FN1: variants seen among roughly 807,000 people sequenced by gnomAD.
FN1 encodes the protein fibronectin.
Under a neutral mutation model 297.3 loss-of-function variants are expected in FN1, and 106 were observed. That is an observed-to-expected ratio of 0.36 (90% confidence interval 0.30 to 0.42). The LOEUF (loss-of-function observed/expected upper bound fraction) is 0.42, where lower values mean the gene tolerates loss of function less well. Ranked by LOEUF, FN1 falls within the 10% of genes least tolerant of loss-of-function variation. FN1 has a pLI of 1.00. For missense variants in FN1, 2,690 were observed against 3,124.9 expected (o/e 0.86, Z 3.32); for synonymous variants, 1,149 against 1,152.6 (o/e 1.00, Z 0.06).
At position 215,423,425 on chromosome 2, in the gene FN1, T is replaced by A; in HGVS notation, c.1318A>T (p.Arg440Ter). The A allele has an allele frequency of 6.2e-7, 1 of 1,614,236 alleles. No homozygotes were observed. The highest frequency in any genetic ancestry group is 1.1e-5 in the South Asian group (1 of 91,082). The change falls in exon 9 of 46, where the codon AGA becomes TGA. Residue 440 changes from arginine (R) to a stop codon, truncating the protein, a stop_gained. Coordinates refer to ENST00000354785, the MANE Select transcript of FN1 (RefSeq NM_212482.4). LOFTEE classifies it high-confidence loss of function. ...GTCCCACACCACTTCATGTTGTCTC[T>A]TCTGCCCTCAGAAGTGCAATCAGTG... ...NYTDCTSEGR[R>*]DNMKWCGTTQ...
At chr2:215,364,704 A>G (rs2054189096) in intron 44 of FN1, 175 bp downstream of exon 44, 12 of 640,146 alleles carry the variant, frequency 1.9e-5, no homozygotes, top group Non-Finnish European at 2.3e-5. Flanking sequence ...ATGGCATGTA[A>G]GGTAGACATA....
At chr2:215,400,865 A>T (rs1186908910) in intron 20 of FN1, among the ~76,000 whole-genome samples, 1 of 149,996 alleles carries the variant, frequency 6.7e-6, no homozygotes, top group African/African-American at 2.5e-5. Flanking sequence ...GCGCAATCTC[A>T]TCTCACTGTA....
At chr2:215,428,157 C>G (rs200256359) in intron 6 of FN1, 23 bp downstream of exon 6, 1 of 1,613,432 alleles carries the variant, frequency 6.2e-7, no homozygotes, top group East Asian at 2.2e-5. Flanking sequence ...CCATTTCCCG[C>G]CCCTGCTCGT....
In FN1 at chr2:215,368,976, T is replaced by C. The variant is rs112618238; in HGVS notation, c.6854-949A>G. On this transcript the variant is annotated intron_variant, in intron 41 of 45. Transcript: ENST00000354785. ...CTCAAAAGCTCAAAAGCAGTAGATA[T>C]TTGAGGTGCCTAATTTTTAAAAGGT... is the stretch of plus-strand genomic sequence containing the variant. 5.2e-3 allele frequency among the ~76,000 whole-genome samples: 790 copies of C among 152,268 alleles called. 6 individuals carry two copies. The highest frequency in any genetic ancestry group is 0.018 in the African/African-American group (753 of 41,570).
intron 8 of FN1, among the ~76,000 whole-genome samples, chr2:215,423,935 G>C (rs1254804162): frequency 6.6e-6 from 1 of 152,114 alleles, no homozygotes; most frequent in African/African-American, 2.4e-5. Flanking sequence ...GAACTGGAAG[G>C]CTACTCCCTT....
In FN1 at chr2:215,408,299, T is replaced by C. The variant is rs2062077130; in HGVS notation, c.2427A>G (p.Thr809=). ...QSLILSTSQT[T]APDAPPDTTV... The stretch of plus-strand genomic sequence containing the variant: ...TAACACTATGTAGCACACATGTACC[T>C]GTTGTTTGTGAAGTAGACAGGATCA... The change falls in exon 16 of 46, where the codon ACA becomes ACG. Residue 809 remains threonine (T), a splice_region_variant and synonymous_variant. Transcript: ENST00000354785. 1.9e-6 allele frequency: 3 copies of C among 1,614,028 alleles called. No individual in the cohort carries two copies.
intron 19 of FN1, 35 bp downstream of exon 19, chr2:215,406,203 A>C (rs542614745): frequency 5.0e-6 from 8 of 1,609,656 alleles, no homozygotes; most frequent in African/African-American, 2.7e-5. Context: ...AGGGTGGAGA[A>C]TTTGGAGGGG....
rs775398685 is a variant in FN1, at chr2:215,373,345, G to A, written c.6224C>T (p.Pro2075Leu). The change falls in exon 39 of 46, where the codon CCC (proline) becomes CTC (leucine). Residue 2075 changes from proline to leucine, a missense_variant. Around this residue, in one of 3 missense-constraint regions of FN1, gnomAD observed 1,743 missense variants for 1,945.2 expected, o/e 0.90. Coordinates refer to ENST00000354785, the MANE Select transcript of FN1 (RefSeq NM_212482.4). ...IALKNNQKSE[P>L]LIGRKKTDEL... ...ACCTGTCTTTTTCCTTCCAATCAGG[G>A]GCTCGCTCTTCTGATTATTCTTCAG... The A allele has an allele frequency of 1.2e-6, 2 of 1,613,416 alleles. No individual in the cohort carries two copies. Among genetic ancestry groups the A allele is most frequent in the South Asian group, 1.1e-5 (1 of 91,068 alleles).
chr2:215,376,061 A>G (rs904948480), intron 36 of FN1, among the ~76,000 whole-genome samples: 3 of 152,202 alleles, frequency 2.0e-5, no homozygotes, highest in Non-Finnish European at 4.4e-5. Flanking sequence ...GAGCCTTGGA[A>G]TCACAATTTT....
Position 215,370,431 on chromosome 2 carries a change from A to T in FN1, c.6716T>A (p.Phe2239Tyr), listed in dbSNP as rs1316874484. 6.2e-7 allele frequency: 1 copy of T among 1,613,710 alleles called. No homozygotes were observed. The highest frequency in any genetic ancestry group is 8.5e-7 in the Non-Finnish European group (1 of 1,179,868). ...ACTGGTAGAAGTTCCAGGAACCCTG[A>T]ACTGCAATTATCGGTACATCCAAAG... is the stretch of plus-strand genomic sequence containing the variant. ...PVGTDEEPLQ[F>Y]RVPGTSTSAT... is the part of the protein sequence containing the mutation. The change falls in exon 41 of 46, where the codon TTC (phenylalanine) becomes TAC (tyrosine). Residue 2239 changes from phenylalanine to tyrosine, a missense_variant and splice_region_variant. Phe to Tyr is a conservative substitution (Grantham distance 22). Coordinates refer to ENST00000354785, the MANE Select transcript of FN1 (RefSeq NM_212482.4).
At chr2:215,365,326 AATC>A (rs2054312888) in intron 43 of FN1, among the ~76,000 whole-genome samples, 176 bp downstream of exon 43, 1 of 152,224 alleles carries the variant, frequency 6.6e-6, no homozygotes, top group Admixed American at 6.5e-5. Flanking sequence ...AATAACATTA[AATC>A]ATGACTCATT....
chr2:215,391,631 CTTG>C lies in FN1; in HGVS notation c.4250_4252del (p.Thr1417del). ...TGGAACAGATACATTCAACTGCTTACTTGTTAAGACCACTGCATTGTCTGAAGG... is the reference window on the plus strand; with the variant it reads ...TGGAACAGATACATTCAACTGCTTACTTAAGACCACTGCATTGTCTGAAGG... On this transcript the variant is annotated inframe_deletion and splice_region_variant, in exon 26 of 46. Transcript: ENST00000354785. 1 of 1,612,086 alleles carries C rather than the reference CTTG, an allele frequency of 6.2e-7. No individual in the cohort carries two copies. Among genetic ancestry groups the C allele is most frequent in the African/African-American group, 1.3e-5 (1 of 75,004 alleles).
Position 215,423,349 on chromosome 2 carries a change from C to A in FN1, c.1393+1G>T, listed in dbSNP as rs761461000. On this transcript the variant is annotated splice_donor_variant, in intron 9 of 45. Transcript: ENST00000354785. LOFTEE classifies it high-confidence loss of function. ...GACAACCCACAAGGGCTTCATCTTA[C>A]CAGCCATGGGGCAGAACCCAAACTT... The A allele has an allele frequency of 2.5e-6, 4 of 1,613,720 alleles. No individual in the cohort carries two copies. The South Asian group carries it at 4.4e-5, about 18-fold the overall frequency.
At position 215,369,233 on chromosome 2, in the gene FN1, AT is replaced by A. The variant is rs1329533362; in HGVS notation, c.6853+1060del. 7.1e-4 allele frequency among the ~76,000 whole-genome samples: 107 copies of A among 149,654 alleles called. 1 individual carries two copies. Among genetic ancestry groups the A allele is most frequent in the African/African-American group, 2.4e-3 (95 of 39,998 alleles). Reference sequence around the variant, plus strand: ...GAATCTTTAAAAAAAAAAAAAAAAAATGACTTAGAAAAGCACAAAGACCTTT... The same window carrying A: ...GAATCTTTAAAAAAAAAAAAAAAAAAGACTTAGAAAAGCACAAAGACCTTT... On this transcript the variant is annotated intron_variant, in intron 41 of 45. Transcript: ENST00000354785.
At position 215,384,394 on chromosome 2, in the gene FN1, C is replaced by T. The variant is rs75933553; in HGVS notation, c.4730-210G>A. The T allele has an allele frequency of 0.024, 13,720 of 577,506 alleles. 256 individuals are homozygous for T. Among genetic ancestry groups the T allele is most frequent in the Admixed American group, 0.036 (1,210 of 34,036 alleles). The allele number at this position is 577,506 out of a possible 1,614,324, so 35.8% of individuals were successfully genotyped here. ...AACATTGAGAGAAAATTACAGTTAG[C>T]GCTGTTTTAACATTTCAGCTTTAAA... is the stretch of plus-strand genomic sequence containing the variant. On this transcript the variant is annotated intron_variant, in intron 29 of 45. Transcript: ENST00000354785.
intron 2 of FN1, among the ~76,000 whole-genome samples, chr2:215,434,361 G>A (rs1214282473): frequency 6.6e-6 from 1 of 152,116 alleles, no homozygotes. Context: ...TAAACTAACA[G>A]TTTAAGATTT....
chr2:215,425,324 G>C (rs555989619), intron 6 of FN1, 39 bp from the exon 7 acceptor site: 28 of 1,590,686 alleles, frequency 1.8e-5, no homozygotes, highest in South Asian at 1.3e-4. Context: ...AACTGGGTGA[G>C]AGAAGACAAT....
chr2:215,433,227 G>A (rs942413811), intron 3 of FN1, 97 bp downstream of exon 3: 25 of 1,500,232 alleles, frequency 1.7e-5, no homozygotes, highest in South Asian at 6.8e-5. Context: ...CTCAAAGTTC[G>A]GAATATCCAG....
rs762470929 is a variant in FN1, at chr2:215,419,392, T to C, written c.1676-7A>G. The C allele has an allele frequency of 2.5e-6, 4 of 1,611,138 alleles. No homozygotes were observed. In the Admixed American group the frequency reaches 5.0e-5, roughly 20 times the overall value. On this transcript the variant is annotated splice_region_variant and splice_polypyrimidine_tract_variant and intron_variant, in intron 11 of 45. Transcript: ENST00000354785. ...TCTGAATCCTGGCATTGGTCTAAAA[T>C]ACATGGAAGGAAAAGATAAACAGCC...
Sources: gnomAD v4.1 joint callset for allele counts (sites outside exome capture counted in the v4.1 genomes callset) on GRCh38, gnomAD v4.1.1 for gene constraint, gnomAD v4.1.1 regional missense constraint, MANE v1.5 for transcripts, NCBI Gene and HGNC (gene_info 2026-07-23, HGNC 2026-07-21) for gene names.